The following CNTN4 variants were observed in gnomAD, a reference collection of about 807,000 sequenced individuals.
CNTN4 encodes contactin 4, also known as contactin-4.
A neutral mutation model predicts 122.5 loss-of-function variants in CNTN4; 77 were observed. The ratio of observed to expected loss-of-function variants is 0.63; its 90% CI spans 0.52 to 0.76. CNTN4 has a LOEUF of 0.76. CNTN4 is among the 30% of genes least tolerant of loss of function. The probability of loss-of-function intolerance (pLI) is 0.00; values close to 1 mark genes in which losing one functional copy is unlikely to be tolerated. For synonymous variants in CNTN4, 512 were observed against 447.0 expected (o/e 1.15, Z -1.83); for missense variants, 1,256 against 1,259.1 (o/e 1.00, Z 0.04).
chr3:3,052,875 T>C (rs1701402719), intron 23 of CNTN4, among the ~76,000 whole-genome samples: 2 of 152,200 alleles, frequency 1.3e-5, no homozygotes, highest in South Asian at 4.1e-4. Flanking sequence ...TGTGCTGAAA[T>C]GTCCTGTCTC....
intron 4 of CNTN4, among the ~76,000 whole-genome samples, chr3:2,658,603 C>T (rs1476207197): frequency 6.6e-6 from 1 of 152,182 alleles, no homozygotes; most frequent in Non-Finnish European, 1.5e-5. Context: ...AATCATCCTT[C>T]CCATTTCCTT....
At chr3:2,215,793 G>A (rs1421377158) in intron 2 of CNTN4, among the ~76,000 whole-genome samples, 15 of 139,620 alleles carry the variant, frequency 1.1e-4, no homozygotes, top group African/African-American at 4.0e-4. Flanking sequence ...TGAGGCAGGA[G>A]AATCACTTGA....
chr3:2,259,845 C>G (rs116885252), intron 2 of CNTN4, among the ~76,000 whole-genome samples: 3 of 152,138 alleles, frequency 2.0e-5, no homozygotes, highest in Admixed American at 6.6e-5. Flanking sequence ...GGTTCACATC[C>G]TCGTATCTTT....
At chr3:2,216,913 A>C (rs1306901487) in intron 2 of CNTN4, among the ~76,000 whole-genome samples, 1 of 152,072 alleles carries the variant, frequency 6.6e-6, no homozygotes, top group African/African-American at 2.4e-5. Context: ...ACTACCCTTT[A>C]GCTCATTGGT....
chr3:2,463,802 A>C (rs1360434881), intron 3 of CNTN4, among the ~76,000 whole-genome samples: 1 of 152,150 alleles, frequency 6.6e-6, no homozygotes, highest in African/African-American at 2.4e-5. Context: ...TATTATTAAA[A>C]TAGGAATGAC....
chr3:2,170,179 G>C (rs1028520869), intron 2 of CNTN4, among the ~76,000 whole-genome samples: 18 of 139,338 alleles, frequency 1.3e-4, no homozygotes, highest in Non-Finnish European at 2.0e-4. Flanking sequence ...AAATTAGCCG[G>C]GCGTGGTGGC....
intron 4 of CNTN4, among the ~76,000 whole-genome samples, chr3:2,601,121 A>G (rs2081025013): frequency 6.6e-6 from 1 of 152,036 alleles, no homozygotes; most frequent in African/African-American, 2.4e-5. Context: ...AGATGAGTAG[A>G]TTGCAAAAAT....
chr3:2,569,886 C>T (rs182991169), intron 3 of CNTN4, among the ~76,000 whole-genome samples: 24 of 152,186 alleles, frequency 1.6e-4, no homozygotes, highest in African/African-American at 5.3e-4. Flanking sequence ...AACGGGATAT[C>T]ATATTGCAAT....
At chr3:2,162,836 C>T (rs1419023011) in intron 2 of CNTN4, among the ~76,000 whole-genome samples, 1 of 152,164 alleles carries the variant, frequency 6.6e-6, no homozygotes, top group African/African-American at 2.4e-5. Flanking sequence ...GTGGCTCAGG[C>T]CTGTAGTCCC....
At chr3:2,246,161 T>TA (rs928397336) in intron 2 of CNTN4, among the ~76,000 whole-genome samples, 5 of 151,842 alleles carry the variant, frequency 3.3e-5, no homozygotes, top group African/African-American at 9.7e-5. Flanking sequence ...TGTGTTTTTT[T>TA]AAAAAAAATA....
chr3:2,316,788 T>C lies in CNTN4; in HGVS notation c.-144-22390T>C, dbSNP rs536684756. On this transcript the variant is annotated intron_variant, in intron 2 of 24. Coordinates refer to ENST00000418658, the MANE Select transcript of CNTN4 (RefSeq NM_175607.3). ...GAGTTTAAGACGCCGAGCTCTGTGG[T>C]TCTCGCCTTAGTAATGTACACATTA... Among the ~76,000 whole-genome samples the C allele has an allele frequency of 1.2e-4, 19 of 152,318 alleles. 1 individual carries two copies. In the South Asian group the frequency reaches 3.9e-3, roughly 32 times the overall value.
chr3:2,331,675 C>A (rs1359069363), intron 2 of CNTN4, among the ~76,000 whole-genome samples: 1 of 152,050 alleles, frequency 6.6e-6, no homozygotes, highest in Non-Finnish European at 1.5e-5. Context: ...CGGGAATGGC[C>A]AACAGGGAGA....
intron 17 of CNTN4, among the ~76,000 whole-genome samples, chr3:3,035,472 A>G (rs938425884): frequency 2.0e-5 from 3 of 152,200 alleles, no homozygotes; most frequent in Admixed American, 6.5e-5. Context: ...CTGCCTGACT[A>G]TAGTCACTTA....
At chr3:2,717,867 T>C (rs11129249) in intron 4 of CNTN4, among the ~76,000 whole-genome samples, 25,767 of 152,128 alleles carry the variant, frequency 0.17, 2,270 homozygotes, top group African/African-American at 0.2. Flanking sequence ...GCCAGTCTAC[T>C]GGGTATGAAG....
intron 12 of CNTN4, among the ~76,000 whole-genome samples, chr3:2,910,578 A>G (rs1409583586): frequency 6.6e-6 from 1 of 152,218 alleles, no homozygotes; most frequent in African/African-American, 2.4e-5. Context: ...ACTCTATTGT[A>G]TTAATTCTAG....
chr3:3,038,160 T>C (rs1044418034), intron 18 of CNTN4, among the ~76,000 whole-genome samples: 19 of 152,208 alleles, frequency 1.2e-4, no homozygotes, highest in African/African-American at 4.1e-4. Flanking sequence ...TGAGACCTTT[T>C]TAAATGTGGC....
chr3:2,198,021 C>A (rs981952043), intron 2 of CNTN4, among the ~76,000 whole-genome samples: 8 of 125,852 alleles, frequency 6.4e-5, no homozygotes, highest in Non-Finnish European at 3.4e-5. Flanking sequence ...AACAGACACT[C>A]TCTCTGGAAA....
At position 2,514,386 on chromosome 3, in the gene CNTN4, C is replaced by G. The variant is rs537986649; in HGVS notation, c.-88-57030C>G. Among the ~76,000 whole-genome samples, 18 of 151,936 alleles carry G rather than the reference C, an allele frequency of 1.2e-4. No homozygotes were observed. The South Asian group carries it at 3.5e-3, about 30-fold the overall frequency. ...GGTGTGGTGGCACAGGCCTGTAGTC[C>G]CAGCTACCAGGGAGGCTGAGGTGGG... On this transcript the variant is annotated intron_variant, in intron 3 of 24. Transcript: ENST00000418658.
At chr3:2,298,875 G>A (rs2042405050) in intron 2 of CNTN4, among the ~76,000 whole-genome samples, 1 of 152,078 alleles carries the variant, frequency 6.6e-6, no homozygotes, top group Non-Finnish European at 1.5e-5. Flanking sequence ...ATGGGAGAAG[G>A]CTTTGTAACA....
Sources: gnomAD v4.1 joint callset for allele counts (sites outside exome capture counted in the v4.1 genomes callset) on GRCh38, gnomAD v4.1.1 for gene constraint, MANE v1.5 for transcripts, NCBI Gene and HGNC (gene_info 2026-07-23, HGNC 2026-07-21) for gene names.